Variants in FBXL17 observed in about 807,000 individuals in gnomAD.
FBXL17 encodes the protein F-box and leucine rich repeat protein 17, also known as F-box/LRR-repeat protein 17.
A neutral mutation model predicts 66.2 loss-of-function variants in FBXL17; 22 were observed. The observed-to-expected ratio is 0.33, with a 90% CI of 0.24 to 0.47. The LOEUF is 0.47. FBXL17 is among the 20% of genes least tolerant of loss of function. FBXL17 has a pLI of 1.00. For missense variants in FBXL17, 878 were observed against 948.2 expected, an observed-to-expected ratio of 0.93 and a Z score of 0.97; for synonymous variants, 474 against 400.5, an observed-to-expected ratio of 1.18 and a Z score of -2.19.
At chr5:108,316,729 A>C (rs1389889088) in intron 4 of FBXL17, among the ~76,000 whole-genome samples, 1 of 151,278 alleles carries the variant, frequency 6.6e-6, no homozygotes, top group African/African-American at 2.4e-5. Context: ...AACAATAAGC[A>C]AGTCATGAAC....
chr5:108,171,293 T>C (rs1046650721), intron 6 of FBXL17, among the ~76,000 whole-genome samples: 2 of 152,222 alleles, frequency 1.3e-5, no homozygotes, highest in African/African-American at 4.8e-5. Flanking sequence ...TGCAACCAAC[T>C]ATATTTTTAA....
chr5:108,005,745 C>T (rs1380930574), intron 7 of FBXL17, among the ~76,000 whole-genome samples: 1 of 152,178 alleles, frequency 6.6e-6, no homozygotes, highest in African/African-American at 2.4e-5. Flanking sequence ...CTTTCGATTA[C>T]CTGAATGCAA....
chr5:108,252,494 G>A (rs1756400598), intron 4 of FBXL17, among the ~76,000 whole-genome samples: 1 of 151,960 alleles, frequency 6.6e-6, no homozygotes, highest in Non-Finnish European at 1.5e-5. Flanking sequence ...AATTCTCTAA[G>A]AGTATTATTT....
At chr5:108,232,792 T>TATATATATATATATATATATTA (rs1554077844) in intron 4 of FBXL17, among the ~76,000 whole-genome samples, 2 of 109,524 alleles carry the variant, frequency 1.8e-5, no homozygotes, top group Non-Finnish European at 4.1e-5. Flanking sequence ...CATATATATA[T>TATATATATATATATATATATTA]ATATATATAT....
chr5:107,916,399 C>T (rs1005019868), intron 7 of FBXL17, among the ~76,000 whole-genome samples: 4 of 152,096 alleles, frequency 2.6e-5, no homozygotes, highest in African/African-American at 9.7e-5. Context: ...AGGAGGGCTA[C>T]CCCATGTACT....
At chr5:108,303,442 G>C (rs1047715414) in intron 4 of FBXL17, among the ~76,000 whole-genome samples, 1 of 149,846 alleles carries the variant, frequency 6.7e-6, no homozygotes, top group African/African-American at 2.5e-5. Context: ...TTCATATGTT[G>C]GTCTTCCAAT....
chr5:107,928,936 C>A (rs1321357749), intron 7 of FBXL17, among the ~76,000 whole-genome samples: 1 of 151,910 alleles, frequency 6.6e-6, no homozygotes, highest in Non-Finnish European at 1.5e-5. Flanking sequence ...TTCCAAATAT[C>A]AACTGACACC....
Position 108,365,239 on chromosome 5 carries a change from C to A in FBXL17, c.1117-244G>T, listed in dbSNP as rs370058836. Among the ~76,000 whole-genome samples the A allele has an allele frequency of 3.0e-4, 45 of 152,124 alleles. No homozygotes were observed. In the South Asian group the frequency reaches 7.5e-3, roughly 25 times the overall value. On this transcript the variant is annotated intron_variant, in intron 2 of 8. Transcript: ENST00000542267. ...CCCAAAACTCTTGGAATTTCCTAAGCAATAGAATTTCTTTAGTTATTCATA... is the reference window on the plus strand; with the variant it reads ...CCCAAAACTCTTGGAATTTCCTAAGAAATAGAATTTCTTTAGTTATTCATA...
At position 108,005,740 on chromosome 5, in the gene FBXL17, G is replaced by A. The variant is rs528793374; in HGVS notation, c.1822+15185C>T. Among the ~76,000 whole-genome samples, 41 of 152,270 alleles carry A rather than the reference G, an allele frequency of 2.7e-4. No homozygotes were observed. In the South Asian group the frequency reaches 3.9e-3, roughly 15 times the overall value. Reference sequence around the variant, plus strand: ...ACCTGATAGGGACACCATTGCTTTCGATTACCTGAATGCAATCATTGATAT... The same window carrying A: ...ACCTGATAGGGACACCATTGCTTTCAATTACCTGAATGCAATCATTGATAT... On this transcript the variant is annotated intron_variant, in intron 7 of 8. Coordinates refer to ENST00000542267, the MANE Select transcript of FBXL17 (RefSeq NM_001163315.3).
intron 4 of FBXL17, among the ~76,000 whole-genome samples, chr5:108,333,845 CAA>C (rs1442660732): frequency 6.6e-6 from 1 of 152,096 alleles, no homozygotes; most frequent in East Asian, 1.9e-4. Flanking sequence ...TATTTATGTG[CAA>C]AGAGTTAATT....
chr5:108,049,499 T>G (rs1313137625), intron 6 of FBXL17, among the ~76,000 whole-genome samples: 1 of 152,050 alleles, frequency 6.6e-6, no homozygotes, highest in Non-Finnish European at 1.5e-5. Flanking sequence ...CCTTCATAAG[T>G]GAAGGATAAA....
rs565781177 is a variant in FBXL17 at position 108,372,192 on chromosome 5, C to A, written c.994-4239G>T. Among the ~76,000 whole-genome samples, 4 of 152,242 alleles carry A rather than the reference C, an allele frequency of 2.6e-5. No individual in the cohort carries two copies. In the East Asian group the frequency reaches 7.7e-4, roughly 29 times the overall value. The stretch of plus-strand genomic sequence containing the variant: ...TCTCTTTCTTGAGAAACATCAAAAT[C>A]CCTTGAACCTCTACAAGAAGAAAGA... On this transcript the variant is annotated intron_variant, in intron 1 of 8. Transcript: ENST00000542267.
intron 4 of FBXL17, among the ~76,000 whole-genome samples, chr5:108,240,870 C>G (rs914130619): frequency 6.7e-6 from 1 of 150,320 alleles, no homozygotes. Context: ...GGGAGAGAGA[C>G]AGAGAGAGAG....
In FBXL17 at chr5:108,349,335, C is replaced by G. The variant is rs761383743; in HGVS notation, c.1375-805G>C. On this transcript the variant is annotated intron_variant, in intron 3 of 8. Coordinates refer to ENST00000542267, the MANE Select transcript of FBXL17 (RefSeq NM_001163315.3). ...GGACTGAAATACATACCAAGGTGTT[C>G]ACAGTGGTTAATTCTGATTAGCGCA... 5.9e-4 allele frequency among the ~76,000 whole-genome samples: 90 copies of G among 152,208 alleles called. 1 individual carries two copies. Among genetic ancestry groups the G allele is most frequent in the Middle Eastern group, 3.4e-3 (1 of 294 alleles).
intron 7 of FBXL17, among the ~76,000 whole-genome samples, chr5:107,984,347 T>C (rs1417856390): frequency 6.6e-6 from 1 of 152,228 alleles, no homozygotes; most frequent in East Asian, 1.9e-4. Context: ...TTTACAAAAT[T>C]CATACAGAGT....
chr5:107,865,622 C>A (rs1005519419), intron 8 of FBXL17, among the ~76,000 whole-genome samples: 3 of 152,160 alleles, frequency 2.0e-5, no homozygotes, highest in Non-Finnish European at 4.4e-5. Flanking sequence ...CAGTAATCCT[C>A]TGTGCATATA....
intron 6 of FBXL17, among the ~76,000 whole-genome samples, chr5:108,100,481 T>C (rs1749558447): frequency 6.6e-6 from 1 of 152,188 alleles, no homozygotes; most frequent in African/African-American, 2.4e-5. Flanking sequence ...TGTTATTATG[T>C]AAGTATTTCA....
At chr5:108,164,200 AATTT>A (rs1354645217) in intron 6 of FBXL17, among the ~76,000 whole-genome samples, 1 of 152,232 alleles carries the variant, frequency 6.6e-6, no homozygotes, top group Non-Finnish European at 1.5e-5. Context: ...GCACATAATT[AATTT>A]ATTATCCAAC....
At chr5:108,106,811 T>C (rs1749816537) in intron 6 of FBXL17, among the ~76,000 whole-genome samples, 1 of 152,206 alleles carries the variant, frequency 6.6e-6, no homozygotes, top group African/African-American at 2.4e-5. Context: ...GAAAATTTAC[T>C]GAAATTAGAT....
Sources: allele counts gnomAD v4.1 joint callset (sites outside exome capture counted in the v4.1 genomes callset), GRCh38; gene constraint gnomAD v4.1.1; transcripts MANE v1.5; gene names NCBI Gene and HGNC (gene_info 2026-07-23, HGNC 2026-07-21).